The following SETBP1 variants were observed in gnomAD, a reference collection of about 807,000 sequenced individuals.
SETBP1 encodes SET binding protein 1.
A neutral mutation model predicts 101.0 loss-of-function variants in SETBP1; 9 were observed. That is an observed-to-expected ratio of 0.09 (90% CI 0.05 to 0.16). The LOEUF (loss-of-function observed/expected upper bound fraction) is 0.16. Among genes scored for constraint, SETBP1 ranks in the 10% least tolerant of loss-of-function variants. The pLI, the probability that SETBP1 is intolerant of heterozygous loss-of-function variation, is 1.00. For synonymous variants in SETBP1, 818 were observed against 788.5 expected, an observed-to-expected ratio of 1.04 and a Z score of -0.63; for missense variants, 1,858 against 2,033.8, an observed-to-expected ratio of 0.91 and a Z score of 1.66.
chr18:44,842,275 G>A (rs1033828184), intron 2 of SETBP1, among the ~76,000 whole-genome samples: 4 of 152,210 alleles, frequency 2.6e-5, no homozygotes, highest in Non-Finnish European at 4.4e-5. Flanking sequence ...GCTGGGACAT[G>A]TGAAGGGCAC....
intron 2 of SETBP1, among the ~76,000 whole-genome samples, chr18:44,812,971 G>A (rs2071894335): frequency 6.6e-6 from 1 of 152,106 alleles, no homozygotes; most frequent in Non-Finnish European, 1.5e-5. Flanking sequence ...GACATCAGAG[G>A]TCTCTTTGGG....
chr18:44,981,777 G>T (rs753505269), intron 4 of SETBP1, among the ~76,000 whole-genome samples: 1 of 152,100 alleles, frequency 6.6e-6, no homozygotes, highest in Non-Finnish European at 1.5e-5. Context: ...CCGCTTTTTC[G>T]TATGTCTAAA....
intron 2 of SETBP1, among the ~76,000 whole-genome samples, chr18:44,779,320 G>A (rs2071075850): frequency 6.6e-6 from 1 of 152,190 alleles, no homozygotes; most frequent in South Asian, 2.1e-4. Context: ...ACCATGCATT[G>A]AGCCTTCACA....
intron 4 of SETBP1, among the ~76,000 whole-genome samples, chr18:44,980,342 A>G (rs1689799614): frequency 6.6e-6 from 1 of 152,206 alleles, no homozygotes; most frequent in South Asian, 2.1e-4. Flanking sequence ...ACCATGGTTT[A>G]GTAGGGTTGG....
Position 44,764,342 on chromosome 18 carries a change from A to G in SETBP1, c.486+62510A>G, listed in dbSNP as rs2070721035. The stretch of plus-strand genomic sequence containing the variant: ...CTGCTTATGTATCCATTCGTTATCC[A>G]TGATGTTTCTCCTGACTATCCTGTA... On this transcript the variant is annotated intron_variant, in intron 2 of 5. Transcript: ENST00000649279. Among the ~76,000 whole-genome samples, 4 of 152,134 alleles carry G rather than the reference A, an allele frequency of 2.6e-5. No individual in the cohort carries two copies. The South Asian group carries it at 8.3e-4, about 32-fold the overall frequency.
At chr18:44,781,963 G>A (rs186353230) in intron 2 of SETBP1, among the ~76,000 whole-genome samples, 140 of 152,272 alleles carry the variant, frequency 9.2e-4, no homozygotes, top group African/African-American at 9.6e-4. Context: ...AACCCTTAAC[G>A]TTTTGAGTTT....
At chr18:44,827,199 A>G (rs894918685) in intron 2 of SETBP1, among the ~76,000 whole-genome samples, 1 of 152,218 alleles carries the variant, frequency 6.6e-6, no homozygotes, top group Non-Finnish European at 1.5e-5. Flanking sequence ...ATGGTAGGAA[A>G]TCAGGGAGCT....
rs1406994901 is a variant in SETBP1, at chr18:44,892,847, A to G, written c.540+23564A>G. ...CTCTCATTTTCTCAACCAAGCCTTTATTAATATGGTCTTCATCTCCTCCTA... is the reference window on the plus strand; with the variant it reads ...CTCTCATTTTCTCAACCAAGCCTTTGTTAATATGGTCTTCATCTCCTCCTA... On this transcript the variant is annotated intron_variant, in intron 3 of 5. Coordinates refer to ENST00000649279, the MANE Select transcript of SETBP1 (RefSeq NM_015559.3). 4.6e-5 allele frequency among the ~76,000 whole-genome samples: 7 copies of G among 152,088 alleles called. No individual in the cohort carries two copies. In the East Asian group the frequency reaches 1.4e-3, roughly 29 times the overall value.
intron 3 of SETBP1, among the ~76,000 whole-genome samples, chr18:44,927,502 G>A (rs2070731690): frequency 6.6e-6 from 1 of 152,214 alleles, no homozygotes; most frequent in African/African-American, 2.4e-5. Context: ...AGGGGATAAG[G>A]TGTGTCCATT....
chr18:44,997,845 G>A (rs1268984507), intron 4 of SETBP1, among the ~76,000 whole-genome samples: 2 of 152,122 alleles, frequency 1.3e-5, no homozygotes, highest in South Asian at 2.1e-4. Context: ...GTATCTGGTC[G>A]GTAGTTCCTT....
intron 2 of SETBP1, among the ~76,000 whole-genome samples, chr18:44,819,032 G>T (rs145442038): frequency 6.6e-6 from 1 of 151,596 alleles, no homozygotes; most frequent in Non-Finnish European, 1.5e-5. Flanking sequence ...TTACTTTAAT[G>T]GTTTACTATT....
intron 4 of SETBP1, among the ~76,000 whole-genome samples, chr18:45,034,780 T>C (rs1024867870): frequency 2.6e-5 from 4 of 152,148 alleles, no homozygotes; most frequent in Non-Finnish European, 5.9e-5. Flanking sequence ...AAGGGTGCTA[T>C]CCATACAGTC....
chr18:44,988,037 A>T (rs2072278323), intron 4 of SETBP1: 1 of 152,160 alleles, frequency 6.6e-6, no homozygotes, highest in Non-Finnish European at 1.5e-5. Flanking sequence ...CTTTTTTTAA[A>T]AGGTTACAGC....
At position 44,799,751 on chromosome 18, in the gene SETBP1, G is replaced by T. The variant is rs116393844; in HGVS notation, c.487-69479G>T. ...TGGCCTTTGGTTAAGGACACAGCTA[G>T]CCTGGGGTGACCCAGCATGGAGGAA... On this transcript the variant is annotated intron_variant, in intron 2 of 5. Transcript: ENST00000649279. 5.6e-3 allele frequency among the ~76,000 whole-genome samples: 858 copies of T among 152,290 alleles called. 10 individuals carry two copies. Among genetic ancestry groups the T allele is most frequent in the African/African-American group, 0.02 (811 of 41,572 alleles).
chr18:45,038,419 G>A (rs1235067760), intron 4 of SETBP1, 66 bp from the exon 5 acceptor site: 2 of 1,410,746 alleles, frequency 1.4e-6, no homozygotes, highest in Middle Eastern at 3.5e-4. Flanking sequence ...TCATGTCCAG[G>A]TTACATGTTG....
chr18:44,728,148 T>C (rs1025585596), intron 2 of SETBP1, among the ~76,000 whole-genome samples: 14 of 152,216 alleles, frequency 9.2e-5, no homozygotes, highest in African/African-American at 3.1e-4. Flanking sequence ...TTCTACTCCA[T>C]TGTGATCACT....
rs538806645 is a variant in SETBP1 at position 44,826,651 on chromosome 18, C to G, written c.487-42579C>G. On this transcript the variant is annotated intron_variant, in intron 2 of 5. Coordinates refer to ENST00000649279, the MANE Select transcript of SETBP1 (RefSeq NM_015559.3). ...TTTTTTTTCCTGTTCCTGTTGTTGT[C>G]GTTGTTGAAGGGAGCGTTCTTGGAC... Among the ~76,000 whole-genome samples, 4 of 151,836 alleles carry G rather than the reference C, an allele frequency of 2.6e-5. No homozygotes were observed. In the East Asian group the frequency reaches 7.7e-4, roughly 29 times the overall value.
At chr18:44,902,121 T>C (rs1296365377) in intron 3 of SETBP1, among the ~76,000 whole-genome samples, 2 of 152,156 alleles carry the variant, frequency 1.3e-5, no homozygotes, top group Non-Finnish European at 2.9e-5. Context: ...TTTCAAGTAC[T>C]CAGTAGTTCG....
At chr18:44,761,601 A>T (rs545944243) in intron 2 of SETBP1, among the ~76,000 whole-genome samples, 5 of 152,308 alleles carry the variant, frequency 3.3e-5, no homozygotes, top group Admixed American at 3.3e-4. Context: ...GTTCCTTATC[A>T]AGAGAATGTC....
Sources: gnomAD v4.1 joint callset for allele counts (sites outside exome capture counted in the v4.1 genomes callset) on GRCh38, gnomAD v4.1.1 for gene constraint, MANE v1.5 for transcripts, NCBI Gene and HGNC (gene_info 2026-07-23, HGNC 2026-07-21) for gene names.